The following COG7 variants were observed in gnomAD, a reference collection of about 807,000 sequenced individuals.
The protein encoded by COG7 is component of oligomeric golgi complex 7.
COG7 carries 49 observed loss-of-function variants against 91.5 expected under a neutral mutation model. The observed-to-expected ratio is 0.54, with a 90% confidence interval of 0.43 to 0.68. The LOEUF is 0.68. Among genes scored for constraint, COG7 ranks in the 30% least tolerant of loss-of-function variants. COG7 has a pLI of 0.00. For synonymous variants in COG7, 365 were observed against 388.7 expected (o/e 0.94, Z 0.72); for missense variants, 895 against 961.3 (o/e 0.93, Z 0.91).
chr16:23,420,506 T>C (rs1040829311), intron 7 of COG7, among the ~76,000 whole-genome samples: 1 of 152,152 alleles, frequency 6.6e-6, no homozygotes, highest in Non-Finnish European at 1.5e-5. Context: ...TCCTAAAAGC[T>C]TCCTTCTGTT....
intron 4 of COG7, among the ~76,000 whole-genome samples, chr16:23,435,453 C>T (rs1963999422): frequency 1.3e-5 from 2 of 152,104 alleles, no homozygotes; most frequent in South Asian, 4.1e-4. Flanking sequence ...ATTCTAAGAC[C>T]CAAGTTATGG....
chr16:23,441,313 G>A (rs1021268922), intron 4 of COG7, among the ~76,000 whole-genome samples: 7 of 152,172 alleles, frequency 4.6e-5, no homozygotes, highest in African/African-American at 9.6e-5. Context: ...GGTGGCTCGC[G>A]CCTCTAATCC....
intron 2 of COG7, 106 bp downstream of exon 2, chr16:23,445,707 G>C: frequency 1.4e-5 from 16 of 1,127,348 alleles, no homozygotes; most frequent in Non-Finnish European, 2.0e-5. Flanking sequence ...TTGAGTGATG[G>C]TTGGCCTCCC....
intron 4 of COG7, among the ~76,000 whole-genome samples, chr16:23,438,083 CAAA>C (rs34667957): frequency 5.6e-5 from 5 of 88,830 alleles, no homozygotes; most frequent in Admixed American, 1.3e-4. Context: ...GACTCCATCT[CAAA>C]AAAAAAAAAA....
At chr16:23,410,908 T>C (rs921986246) in intron 10 of COG7, among the ~76,000 whole-genome samples, 8 of 152,130 alleles carry the variant, frequency 5.3e-5, no homozygotes, top group African/African-American at 1.9e-4. Context: ...GGTTTCACTA[T>C]ATTGGCCAGG....
At chr16:23,402,632 T>C (rs1004019794) in intron 13 of COG7, among the ~76,000 whole-genome samples, 1 of 152,238 alleles carries the variant, frequency 6.6e-6, no homozygotes, top group African/African-American at 2.4e-5. Context: ...CTCAGCCATG[T>C]GATGGCACCC....
chr16:23,419,232 C>T (rs1003202987), intron 7 of COG7, among the ~76,000 whole-genome samples: 15 of 151,974 alleles, frequency 9.9e-5, no homozygotes, highest in African/African-American at 3.1e-4. Flanking sequence ...ATGGAGAAAC[C>T]GAAACCTTGT....
rs769406193 is a variant in COG7 at position 23,393,245 on chromosome 16, G to A, written c.1990C>T (p.Pro664Ser). 1.9e-6 allele frequency: 3 copies of A among 1,613,444 alleles called. No individual in the cohort carries two copies. The South Asian group carries it at 3.3e-5, about 18-fold the overall frequency. ...GGTCCCCGCTTACCCTGCTCAGGAG[G>A]AAATGGCAGCTTTCCAGCGTGCAAT... ...LALHAGKLPF[P>S]PEQGDELPEL... The change falls in exon 15 of 17, where the codon CCT becomes TCT. Residue 664 changes from proline (P) to serine (S), a missense_variant. Pro to Ser is a moderately conservative substitution (Grantham distance 74). Coordinates refer to ENST00000307149, the MANE Select transcript of COG7 (RefSeq NM_153603.4).
chr16:23,397,217 A>G (rs895811866), intron 14 of COG7, among the ~76,000 whole-genome samples: 22 of 152,196 alleles, frequency 1.4e-4, no homozygotes, highest in Non-Finnish European at 2.5e-4. Context: ...CCTAACATTT[A>G]TAATACTTCT....
At chr16:23,406,579 A>G (rs1963467385) in intron 11 of COG7, among the ~76,000 whole-genome samples, 1 of 152,198 alleles carries the variant, frequency 6.6e-6, no homozygotes, top group Admixed American at 6.5e-5. Flanking sequence ...TGCACCTTCT[A>G]TGGAGACTTT....
intron 6 of COG7, among the ~76,000 whole-genome samples, chr16:23,430,934 C>T (rs931290705): frequency 2.6e-5 from 4 of 151,078 alleles, no homozygotes; most frequent in African/African-American, 7.3e-5. Flanking sequence ...GAGGCTGAGG[C>T]GGGAAGATCA....
At chr16:23,392,999 A>G (rs1963225543) in intron 15 of COG7, among the ~76,000 whole-genome samples, 1 of 152,218 alleles carries the variant, frequency 6.6e-6, no homozygotes, top group Non-Finnish European at 1.5e-5. Flanking sequence ...CAGAGCCAGA[A>G]GGCACAAGCG....
At chr16:23,419,605 C>T (rs1469675555) in intron 7 of COG7, among the ~76,000 whole-genome samples, 2 of 147,944 alleles carry the variant, frequency 1.4e-5, no homozygotes, top group African/African-American at 5.0e-5. Context: ...AAAAATTAGC[C>T]GGGCGTAGTG....
chr16:23,392,176 T>A (rs1963208076), intron 16 of COG7: 1 of 1,461,782 alleles, frequency 6.8e-7, no homozygotes, highest in South Asian at 1.4e-5. Flanking sequence ...AAAACATAGA[T>A]GTCTGAGCTT....
chr16:23,394,796 CTT>C (rs1249559737), intron 14 of COG7: 2 of 149,404 alleles, frequency 1.3e-5, no homozygotes, highest in Non-Finnish European at 2.9e-5. Flanking sequence ...TTTGGTGTTC[CTT>C]TTTTCTTTTT....
At chr16:23,426,049 G>A (rs1049030951) in intron 6 of COG7, among the ~76,000 whole-genome samples, 2 of 151,898 alleles carry the variant, frequency 1.3e-5, no homozygotes, top group South Asian at 2.1e-4. Context: ...CCCCGTCTCT[G>A]CTAAAAATAC....
At chr16:23,432,648 C>T (rs866676843) in intron 6 of COG7, among the ~76,000 whole-genome samples, 2 of 152,214 alleles carry the variant, frequency 1.3e-5, no homozygotes, top group African/African-American at 4.8e-5. Flanking sequence ...AAGAGAACAA[C>T]GGTTTAAAAC....
rs773666131 is a variant in COG7 at position 23,424,800 on chromosome 16, C to T, written c.958G>A (p.Ala320Thr). 6.8e-6 allele frequency: 11 copies of T among 1,614,088 alleles called. No individual in the cohort carries two copies. The highest frequency in any genetic ancestry group is 2.2e-5 in the South Asian group (2 of 91,092). The change falls in exon 7 of 17, where the codon GCC becomes ACC. Residue 320 changes from alanine to threonine, a missense_variant. Transcript: ENST00000307149. Reference sequence around the variant, plus strand: ...AAGCCCTTGGCGAAGTGGGCGGTGGCGTCGTAGAACTCCAGCAGCCTGGTG... The same window carrying T: ...AAGCCCTTGGCGAAGTGGGCGGTGGTGTCGTAGAACTCCAGCAGCCTGGTG... Reference protein sequence around the residue: ...ELTRLLEFYDATAHFAKGLEM... With the variant: ...ELTRLLEFYDTTAHFAKGLEM...
chr16:23,429,383 C>CAA (rs71154213), intron 6 of COG7, among the ~76,000 whole-genome samples: 1 of 148,966 alleles, frequency 6.7e-6, no homozygotes, highest in Non-Finnish European at 1.5e-5. Context: ...CATGTGTCTA[C>CAA]AAAAAAAAAA....
Sources: allele counts gnomAD v4.1 joint callset (sites outside exome capture counted in the v4.1 genomes callset), GRCh38; gene constraint gnomAD v4.1.1; transcripts MANE v1.5; gene names NCBI Gene and HGNC (gene_info 2026-07-23, HGNC 2026-07-21).